Variants in ARID3A observed in about 807,000 individuals in gnomAD.
The protein encoded by ARID3A is AT-rich interactive domain-containing protein 3A.
A neutral mutation model predicts 52.7 loss-of-function variants in ARID3A; 11 were observed. The ratio of observed to expected loss-of-function variants is 0.21; its 90% CI spans 0.13 to 0.35. The LOEUF (loss-of-function observed/expected upper bound fraction) is 0.35, where lower values mean the gene tolerates loss of function less well. Ranked by LOEUF, ARID3A falls within the 10% of genes least tolerant of loss-of-function variation. The probability of loss-of-function intolerance (pLI) is 1.00; values close to 1 mark genes in which losing one functional copy is unlikely to be tolerated. For missense variants in ARID3A, 721 were observed against 838.5 expected (o/e 0.86, Z 1.73); for synonymous variants, 404 against 359.4 (o/e 1.12, Z -1.40).
Position 964,449 on chromosome 19 carries a change from G to A in ARID3A, c.950+18G>A. On this transcript the variant is annotated intron_variant, in intron 5 of 8. Coordinates refer to ENST00000263620, the MANE Select transcript of ARID3A (RefSeq NM_005224.3). This position sits in a 1 kb window ranked among gnomAD's most constrained non-coding sequence, Gnocchi z 5.7. ...CGGACCCAGTGAGTGGCGGACGGTT[G>A]TGCCGAGGTCGGGCCAGGGCACTCT... 6.4e-7 allele frequency: 1 copy of A among 1,568,264 alleles called. No homozygotes were observed. The highest frequency in any genetic ancestry group is 1.2e-5 in the South Asian group (1 of 86,312).
chr19:954,456 A>G lies in ARID3A; in HGVS notation c.694-5636A>G, dbSNP rs141393082. 4.9e-3 allele frequency among the ~76,000 whole-genome samples: 745 copies of G among 152,374 alleles called. 4 individuals are homozygous for G. The highest frequency in any genetic ancestry group is 0.017 in the African/African-American group (702 of 41,588). The stretch of plus-strand genomic sequence containing the variant: ...CGCATTTTCTTGGCATCGCACTGAG[A>G]AAGCAAGTTCATTTAACATGCATTT... On this transcript the variant is annotated intron_variant, in intron 3 of 8. Transcript: ENST00000263620.
chr19:929,512 GC>G lies in ARID3A; in HGVS notation c.-14del. 6.6e-7 allele frequency: 1 copy of G among 1,503,768 alleles called. No individual in the cohort carries two copies. The highest frequency in any genetic ancestry group is 8.8e-7 in the Non-Finnish European group (1 of 1,132,172). The allele number at this position is 1,503,768 out of a possible 1,614,324, so 93.2% of individuals were successfully genotyped here. ...GGTGGTGGTGGTGGTGGTGGTGGTG[GC>G]CCGGGCCGCAGGGCCATGAAACTAC... On this transcript the variant is annotated 5_prime_UTR_variant, in exon 2 of 9. Transcript: ENST00000263620. This position sits in a 1 kb window ranked among gnomAD's most constrained non-coding sequence, Gnocchi z 6.2.
intron 3 of ARID3A, among the ~76,000 whole-genome samples, chr19:939,333 G>A (rs1475790677): frequency 6.6e-6 from 1 of 152,060 alleles, no homozygotes; most frequent in Non-Finnish European, 1.5e-5. Flanking sequence ...TGCCCAGGGT[G>A]GTCTCGTATT....
In ARID3A at chr19:929,436, G is replaced by GGCC; in HGVS notation, c.-93_-92insGCC. 7.3e-6 allele frequency: 9 copies of GGCC among 1,227,746 alleles called. No homozygotes were observed. The highest frequency in any genetic ancestry group is 9.3e-6 in the Non-Finnish European group (9 of 964,914). The allele number at this position is 1,227,746 out of a possible 1,614,324, so 76.1% of individuals were successfully genotyped here. ...GGCCCCCACGCTGCAGTGCGGCCGG[G>GGCC]CCCCCTCCCCGCAGGGGCCGCCCCC... On this transcript the variant is annotated 5_prime_UTR_variant, in exon 2 of 9. Transcript: ENST00000263620. This position sits in a 1 kb window ranked among gnomAD's most constrained non-coding sequence, Gnocchi z 6.2.
rs901093069 is a variant in ARID3A at position 947,036 on chromosome 19, C to G, written c.694-13056C>G. ...TCTCAAACTCCTGGGCTCGAGCAGTCTGCCCACCTCGGCCTCCCACAGTGC... is the reference window on the plus strand; with the variant it reads ...TCTCAAACTCCTGGGCTCGAGCAGTGTGCCCACCTCGGCCTCCCACAGTGC... On this transcript the variant is annotated intron_variant, in intron 3 of 8. Coordinates refer to ENST00000263620, the MANE Select transcript of ARID3A (RefSeq NM_005224.3). The surrounding 1 kb of genome is among the most constrained non-coding windows in gnomAD (Gnocchi z 6.3). Among the ~76,000 whole-genome samples, 3 of 151,332 alleles carry G rather than the reference C, an allele frequency of 2.0e-5. No individual in the cohort carries two copies. The highest frequency in any genetic ancestry group is 2.1e-4 in the South Asian group (1 of 4,808).
At chr19:952,886 G>A (rs2037832301) in intron 3 of ARID3A, among the ~76,000 whole-genome samples, 1 of 152,182 alleles carries the variant, frequency 6.6e-6, no homozygotes, top group African/African-American at 2.4e-5. Context: ...TGCCCAGGTG[G>A]GGCCTGCCTG....
intron 3 of ARID3A, among the ~76,000 whole-genome samples, chr19:940,820 GCCC>G (rs2037533908): frequency 6.6e-6 from 1 of 152,132 alleles, no homozygotes; most frequent in Admixed American, 6.5e-5. Flanking sequence ...CTGTCGGGAA[GCCC>G]CCTGGGCACC....
rs765933737 is a variant in ARID3A, at chr19:930,000, C to T, written c.368+104C>T. On this transcript the variant is annotated intron_variant, in intron 2 of 8. Coordinates refer to ENST00000263620, the MANE Select transcript of ARID3A (RefSeq NM_005224.3). The surrounding 1 kb of genome is among the most constrained non-coding windows in gnomAD (Gnocchi z 6.2). ...AGTAAGGGTCAGGTCGCGGGATCTC[C>T]TTCCTGTAATTCCAGCAGTTTGAGA... The T allele has an allele frequency of 6.9e-7, 1 of 1,454,058 alleles. No individual in the cohort carries two copies. Among genetic ancestry groups the T allele is most frequent in the Non-Finnish European group, 9.1e-7 (1 of 1,094,160 alleles). 90.1% of individuals were successfully genotyped at this position (1,454,058 alleles called of 1,614,324 possible).
intron 3 of ARID3A, among the ~76,000 whole-genome samples, chr19:950,709 T>C (rs1027549407): frequency 4.6e-5 from 7 of 152,310 alleles, no homozygotes; most frequent in Admixed American, 1.3e-4. Context: ...TGGAGGCTGC[T>C]GGAAGGAGAG....
chr19:941,713 A>G lies in ARID3A; in HGVS notation c.693+8971A>G, dbSNP rs151065999. 7.6e-4 allele frequency among the ~76,000 whole-genome samples: 115 copies of G among 151,418 alleles called. No individual in the cohort carries two copies. The Middle Eastern group carries it at 0.02, about 27-fold the overall frequency. On this transcript the variant is annotated intron_variant, in intron 3 of 8. Transcript: ENST00000263620. The surrounding 1 kb of genome is among the most constrained non-coding windows in gnomAD (Gnocchi z 6.9). ...GTGATCCTCCCGCCTCGGTCTCTGA[A>G]AGTGCTGGGATTACAGGCGTGAGCT...
chr19:962,662 C>G (rs989325580), intron 4 of ARID3A, among the ~76,000 whole-genome samples: 65 of 151,866 alleles, frequency 4.3e-4, no homozygotes, highest in Admixed American at 2.2e-3. Context: ...TTACAGGCGC[C>G]CGCCACCACG....
Position 946,464 on chromosome 19 carries a change from A to G in ARID3A, c.694-13628A>G, listed in dbSNP as rs549811291. ...CTTTTTTTTTTTTTTTTTTTTTGAG[A>G]CGGAGTCTCACTGTCTCCCAGGCTA... is the stretch of plus-strand genomic sequence containing the variant. On this transcript the variant is annotated intron_variant, in intron 3 of 8. Transcript: ENST00000263620. Among the ~76,000 whole-genome samples the G allele has an allele frequency of 3.1e-5, 3 of 96,372 alleles. No individual in the cohort carries two copies. In the East Asian group the frequency reaches 9.3e-4, roughly 30 times the overall value. 63.2% of individuals were successfully genotyped at this position (96,372 alleles called of 152,430 possible).
Position 959,825 on chromosome 19 carries a change from G to A in ARID3A, c.694-267G>A, listed in dbSNP as rs938203469. The stretch of plus-strand genomic sequence containing the variant: ...TGGGGTTCCCGGGCCCCTGGACCGG[G>A]AGAGGACACTGTCTTGTCCCAGGCC... On this transcript the variant is annotated intron_variant, in intron 3 of 8. Coordinates refer to ENST00000263620, the MANE Select transcript of ARID3A (RefSeq NM_005224.3). This position sits in a 1 kb window ranked among gnomAD's most constrained non-coding sequence, Gnocchi z 5.0. 6.6e-6 allele frequency among the ~76,000 whole-genome samples: 1 copy of A among 152,176 alleles called. No homozygotes were observed. Among genetic ancestry groups the A allele is most frequent in the African/African-American group, 2.4e-5 (1 of 41,432 alleles).
At position 936,086 on chromosome 19, in the gene ARID3A, G is replaced by A. The variant is rs146700356; in HGVS notation, c.693+3344G>A. On this transcript the variant is annotated intron_variant, in intron 3 of 8. Coordinates refer to ENST00000263620, the MANE Select transcript of ARID3A (RefSeq NM_005224.3). Reference sequence around the variant, plus strand: ...ATTAAAGGCGTGAGCCACCGCGCCCGGCCCGTGATGGGATTTTACACGCAC... The same window carrying A: ...ATTAAAGGCGTGAGCCACCGCGCCCAGCCCGTGATGGGATTTTACACGCAC... 9.3e-3 allele frequency among the ~76,000 whole-genome samples: 1,409 copies of A among 151,664 alleles called. 34 individuals carry two copies. The highest frequency in any genetic ancestry group is 0.033 in the African/African-American group (1,351 of 41,354).
chr19:949,222 C>T (rs575859753), intron 3 of ARID3A, among the ~76,000 whole-genome samples: 10 of 152,256 alleles, frequency 6.6e-5, no homozygotes, highest in South Asian at 4.1e-4. Context: ...AGTGCTGGGT[C>T]CCGCCCTGCC....
chr19:926,009 C>T (rs2037188052), upstream of ARID3A: 2 of 149,802 alleles, frequency 1.3e-5, no homozygotes, highest in African/African-American at 2.4e-5. Flanking sequence ...CGCGGGGCGC[C>T]TCTTACCAAT....
At chr19:967,710 G>T (rs1685097365) in intron 7 of ARID3A, among the ~76,000 whole-genome samples, 1 of 152,198 alleles carries the variant, frequency 6.6e-6, no homozygotes, top group Admixed American at 6.5e-5. Context: ...TGGCGAGACA[G>T]ACAGAAAACA....
chr19:967,730 A>G (rs754654410), intron 7 of ARID3A, among the ~76,000 whole-genome samples: 2 of 152,206 alleles, frequency 1.3e-5, no homozygotes, highest in Non-Finnish European at 2.9e-5. Context: ...AGAACATGTC[A>G]CAGGTGTCTT....
intron 8 of ARID3A, among the ~76,000 whole-genome samples, chr19:971,022 A>G (rs1291707609): frequency 6.6e-6 from 1 of 152,224 alleles, no homozygotes; most frequent in Non-Finnish European, 1.5e-5. Flanking sequence ...ACTGTGTGCT[A>G]GGGGTCTCGC....
Sources: allele counts gnomAD v4.1 joint callset (sites outside exome capture counted in the v4.1 genomes callset), GRCh38; gene constraint gnomAD v4.1.1; non-coding constraint Gnocchi (gnomAD v3.1); transcripts MANE v1.5; gene names NCBI Gene and HGNC (gene_info 2026-07-23, HGNC 2026-07-21).